OPCML: variants seen among roughly 807,000 people sequenced by gnomAD.
The protein encoded by OPCML is opioid-binding protein/cell adhesion molecule.
In OPCML, 13 loss-of-function variants were observed where a neutral mutation model predicts 37.8. The observed-to-expected ratio is 0.34, with a 90% CI of 0.22 to 0.55. The LOEUF (loss-of-function observed/expected upper bound fraction) is 0.55, where lower values mean the gene tolerates loss of function less well. Ranked by LOEUF, OPCML falls within the 20% of genes least tolerant of loss-of-function variation. The pLI is 0.91. For missense variants in OPCML, 341 were observed against 435.6 expected (o/e 0.78, Z 1.93); for synonymous variants, 176 against 168.8 (o/e 1.04, Z -0.33).
intron 2 of OPCML, among the ~76,000 whole-genome samples, chr11:132,923,755 ATT>A (rs71038509): frequency 1.1e-4 from 10 of 92,090 alleles, no homozygotes; most frequent in African/African-American, 2.3e-4. Flanking sequence ...AGTTACTTGA[ATT>A]TTTTTTTTTT....
rs547521670 is a variant in OPCML, at chr11:133,014,873, C to T, written c.62-71863G>A. Among the ~76,000 whole-genome samples, 21 of 152,270 alleles carry T rather than the reference C, an allele frequency of 1.4e-4. No homozygotes were observed. In the South Asian group the frequency reaches 3.7e-3, roughly 27 times the overall value. On this transcript the variant is annotated intron_variant, in intron 1 of 7. Coordinates refer to ENST00000524381, the MANE Select transcript of OPCML (RefSeq NM_001012393.5). ...ACATCTACTGTCCTAGTATTGGTGC[C>T]GTATTTTCTATTAAGAGAACTCTTG...
intron 1 of OPCML, chr11:133,006,151 C>T (rs181686626): frequency 3.3e-5 from 32 of 981,966 alleles, no homozygotes; most frequent in Non-Finnish European, 6.0e-6. Flanking sequence ...TGGAGAAGCT[C>T]CAACCTACTG....
intron 2 of OPCML, among the ~76,000 whole-genome samples, chr11:132,898,158 G>A (rs1847114351): frequency 1.3e-5 from 2 of 152,188 alleles, no homozygotes; most frequent in African/African-American, 4.8e-5. Flanking sequence ...TTGGCCTGTT[G>A]CAGAGACCAA....
At chr11:133,189,047 C>CA in intron 1 of OPCML, among the ~76,000 whole-genome samples, 1 of 152,138 alleles carries the variant, frequency 6.6e-6, no homozygotes, top group Non-Finnish European at 1.5e-5. Context: ...AATAAATGGG[C>CA]AAAAAATATC....
intron 3 of OPCML, among the ~76,000 whole-genome samples, chr11:132,571,808 T>C (rs2096439186): frequency 6.6e-6 from 1 of 152,178 alleles, no homozygotes; most frequent in Non-Finnish European, 1.5e-5. Context: ...TTATGAATAA[T>C]GTAGTAGTTC....
At chr11:133,443,004 A>G (rs1946395648) in intron 1 of OPCML, among the ~76,000 whole-genome samples, 1 of 152,218 alleles carries the variant, frequency 6.6e-6, no homozygotes, top group African/African-American at 2.4e-5. Flanking sequence ...GAAGATATTC[A>G]TGTAATATTT....
chr11:133,493,256 C>G (rs997408543), intron 1 of OPCML, among the ~76,000 whole-genome samples: 2 of 152,198 alleles, frequency 1.3e-5, no homozygotes, highest in Non-Finnish European at 2.9e-5. Context: ...GAGCCTTGCA[C>G]GCCGGGCAGG....
intron 1 of OPCML, among the ~76,000 whole-genome samples, chr11:133,051,181 A>C (rs953824417): frequency 3.9e-5 from 6 of 152,104 alleles, no homozygotes; most frequent in Admixed American, 3.9e-4. Context: ...TCCCATTCGG[A>C]CTAATAACAA....
chr11:132,483,502 T>C (rs1462628031), intron 4 of OPCML, among the ~76,000 whole-genome samples: 1 of 152,068 alleles, frequency 6.6e-6, no homozygotes, highest in African/African-American at 2.4e-5. Flanking sequence ...CAAGGTAATT[T>C]ACAGATTCAA....
chr11:133,307,390 C>T (rs904608887), intron 1 of OPCML, among the ~76,000 whole-genome samples: 10 of 152,156 alleles, frequency 6.6e-5, no homozygotes, highest in South Asian at 6.2e-4. Flanking sequence ...TTGATTTCTA[C>T]GTCCTTTCTG....
chr11:133,367,937 A>G (rs770385369), intron 1 of OPCML, among the ~76,000 whole-genome samples: 11 of 152,202 alleles, frequency 7.2e-5, no homozygotes, highest in Non-Finnish European at 1.6e-4. Flanking sequence ...GAGTCTTGGC[A>G]GTGTCTGCAA....
intron 2 of OPCML, among the ~76,000 whole-genome samples, chr11:132,938,045 G>A (rs537606748): frequency 6.6e-6 from 1 of 151,922 alleles, no homozygotes; most frequent in African/African-American, 2.4e-5. Flanking sequence ...ACCAACTGCT[G>A]TGCCTGAATA....
intron 2 of OPCML, among the ~76,000 whole-genome samples, chr11:132,907,641 A>G (rs1442411814): frequency 2.0e-5 from 3 of 151,894 alleles, no homozygotes; most frequent in African/African-American, 4.8e-5. Context: ...AAAAAAAAAA[A>G]AAGAAGAAGA....
intron 1 of OPCML, among the ~76,000 whole-genome samples, chr11:133,053,130 T>C (rs1948162241): frequency 6.6e-6 from 1 of 152,210 alleles, no homozygotes; most frequent in Admixed American, 6.5e-5. Context: ...GGACTCCCAG[T>C]TCATCATTCA....
rs565129552 is a variant in OPCML, at chr11:133,497,459, C to T, written c.61+34805G>A. Reference sequence around the variant, plus strand: ...TTGCCTTTCATTGAGCGTTTCCTTTCTCTGGTCCCCCCCGATTCACTTAAT... The same window carrying T: ...TTGCCTTTCATTGAGCGTTTCCTTTTTCTGGTCCCCCCCGATTCACTTAAT... On this transcript the variant is annotated intron_variant, in intron 1 of 7. Coordinates refer to ENST00000524381, the MANE Select transcript of OPCML (RefSeq NM_001012393.5). 2.0e-5 allele frequency among the ~76,000 whole-genome samples: 3 copies of T among 152,240 alleles called. No individual in the cohort carries two copies. The South Asian group carries it at 6.2e-4, about 32-fold the overall frequency.
At chr11:132,745,922 C>G (rs368647072) in intron 2 of OPCML, among the ~76,000 whole-genome samples, 1 of 152,084 alleles carries the variant, frequency 6.6e-6, no homozygotes, top group Non-Finnish European at 1.5e-5. Context: ...GCCTGCATAG[C>G]GGGCAGGAAC....
intron 2 of OPCML, among the ~76,000 whole-genome samples, chr11:132,830,417 C>T (rs143700923): frequency 4.6e-5 from 7 of 152,284 alleles, no homozygotes; most frequent in African/African-American, 1.2e-4. Context: ...TGGCAGAGCA[C>T]GTGAAATACC....
intron 1 of OPCML, chr11:133,026,163 T>C (rs1369738180): frequency 1.1e-6 from 1 of 886,124 alleles, no homozygotes; most frequent in Non-Finnish European, 1.4e-6. Flanking sequence ...GTAATTTTTG[T>C]TTTAATAGCC....
chr11:133,007,807 T>C (rs560269480), intron 1 of OPCML: 1,182 of 985,342 alleles, frequency 1.2e-3, no homozygotes, highest in Non-Finnish European at 1.4e-3. Flanking sequence ...TATCTCCTTG[T>C]GGCGGGATCA....
Sources: allele counts gnomAD v4.1 joint callset (sites outside exome capture counted in the v4.1 genomes callset), GRCh38; gene constraint gnomAD v4.1.1; transcripts MANE v1.5; gene names NCBI Gene and HGNC (gene_info 2026-07-23, HGNC 2026-07-21).